Variants in DMC1 observed in about 807,000 individuals in gnomAD.
DMC1 encodes DNA meiotic recombinase 1, also known as meiotic recombination protein DMC1 homolog.
In DMC1, 27 loss-of-function variants were observed where a neutral mutation model predicts 50.1. The observed-to-expected ratio is 0.54, with a 90% confidence interval of 0.40 to 0.74. DMC1 has a LOEUF of 0.74. Ranked by LOEUF, DMC1 falls within the 30% of genes least tolerant of loss-of-function variation. The probability of loss-of-function intolerance (pLI) is 0.00; values close to 1 mark genes in which losing one functional copy is unlikely to be tolerated. For synonymous variants in DMC1, 148 were observed against 136.1 expected (o/e 1.09, Z -0.61); for missense variants, 295 against 420.2 (o/e 0.70, Z 2.60).
At chr22:38,532,025 G>A (rs979344510) in intron 12 of DMC1, among the ~76,000 whole-genome samples, 2 of 151,976 alleles carry the variant, frequency 1.3e-5, no homozygotes, top group African/African-American at 2.4e-5. Flanking sequence ...GTTCCCTCCC[G>A]ACACCTGAAG....
intron 12 of DMC1, among the ~76,000 whole-genome samples, chr22:38,526,621 G>GT (rs911893152): frequency 6.6e-6 from 1 of 152,016 alleles, no homozygotes; most frequent in African/African-American, 2.4e-5. Context: ...AAATTTTTGT[G>GT]TAAGTCTGGG....
intron 11 of DMC1, among the ~76,000 whole-genome samples, 199 bp downstream of exon 11, chr22:38,538,096 A>G (rs2090235623): frequency 6.6e-6 from 1 of 152,104 alleles, no homozygotes; most frequent in South Asian, 2.1e-4. Context: ...GTGAGCCGAG[A>G]TCGCACCACT....
At chr22:38,540,586 A>C (rs543458878) in intron 8 of DMC1, among the ~76,000 whole-genome samples, 5 of 152,194 alleles carry the variant, frequency 3.3e-5, no homozygotes, top group Non-Finnish European at 7.3e-5. Context: ...CACTGATCCC[A>C]GTATAAGTAA....
At chr22:38,527,123 T>G (rs2090100361) in intron 12 of DMC1, among the ~76,000 whole-genome samples, 1 of 152,046 alleles carries the variant, frequency 6.6e-6, no homozygotes. Context: ...AGCTATGGAG[T>G]TAGACCTGAG....
In DMC1 at chr22:38,538,438, T is replaced by C. The variant is rs929137334; in HGVS notation, c.661-29A>G. On this transcript the variant is annotated intron_variant, in intron 10 of 13. Transcript: ENST00000216024. ...CACAGGATTAATGTAAAAATAAACA[T>C]GCATTTGGAAATTGAAGGAAGACGT... The C allele has an allele frequency of 6.2e-6, 10 of 1,610,466 alleles. No individual in the cohort carries two copies. In the African/African-American group the frequency reaches 8.0e-5, roughly 13 times the overall value.
intron 8 of DMC1, among the ~76,000 whole-genome samples, chr22:38,543,597 G>C (rs935376584): frequency 6.6e-6 from 1 of 152,128 alleles, no homozygotes; most frequent in Admixed American, 6.6e-5. Context: ...AGTATGTTCA[G>C]CTCCCCTGTT....
intron 5 of DMC1, among the ~76,000 whole-genome samples, chr22:38,557,953 G>GTTTTTTTTTTTTTTTTTTT (rs1555940699): frequency 1.4e-4 from 13 of 94,964 alleles, no homozygotes; most frequent in South Asian, 3.3e-4. Flanking sequence ...ATTAGACAAA[G>GTTTTTTTTTTTTTTTTTTT]TTCTTTTTTT....
At position 38,568,656 on chromosome 22, in the gene DMC1, TTGTTTA is replaced by T. The variant is rs376437278; in HGVS notation, c.-33-373_-33-368del. 2.3e-3 allele frequency among the ~76,000 whole-genome samples: 348 copies of T among 152,362 alleles called. 1 individual carries two copies. The highest frequency in any genetic ancestry group is 6.1e-3 in the African/African-American group (254 of 41,590). On this transcript the variant is annotated intron_variant, in intron 1 of 13. Transcript: ENST00000216024. ...AATTGCATATTGCTTTTAACCTTTC[TTGTTTA>T]TGTTTAACAACAATACTCTAGGAAC...
rs753724944 is a variant in DMC1, at chr22:38,557,956, C to CTTTTTTTTTT, written c.327-2557_327-2548dup. On this transcript the variant is annotated intron_variant, in intron 5 of 13. Coordinates refer to ENST00000216024, the MANE Select transcript of DMC1 (RefSeq NM_007068.4). ...AATAATTAGATAATTAGACAAAGTT[C>CTTTTTTTTTT]TTTTTTTTTTTTTTTTTTTTTTTTG... Among the ~76,000 whole-genome samples, 168 of 62,700 alleles carry CTTTTTTTTTT rather than the reference C, an allele frequency of 2.7e-3. 17 individuals carry two copies. The highest frequency in any genetic ancestry group is 6.3e-3 in the African/African-American group (102 of 16,070). 41.1% of individuals were successfully genotyped at this position (62,700 alleles called of 152,430 possible). A position where few individuals can be genotyped will look rare whatever the true frequency, so the allele number is the denominator to read the frequency against.
At chr22:38,521,992 G>A (rs1292465308) in intron 12 of DMC1, among the ~76,000 whole-genome samples, 6 of 151,204 alleles carry the variant, frequency 4.0e-5, no homozygotes, top group East Asian at 2.0e-4. Flanking sequence ...TAGCTGTGTC[G>A]CCCAGGCTGG....
chr22:38,519,166 A>G lies in DMC1; in HGVS notation c.*854T>C, dbSNP rs2089997578. 1.3e-5 allele frequency: 2 copies of G among 151,880 alleles called. No individual in the cohort carries two copies. The highest frequency in any genetic ancestry group is 4.8e-5 in the African/African-American group (2 of 41,262). 9.4% of individuals were successfully genotyped at this position (151,880 alleles called of 1,614,324 possible). Reference sequence around the variant, plus strand: ...AATCTCTGCCTCCTGGGTTCAAGCAATTCTCCTGCCTCAGCCTCCAGAGTA... The same window carrying G: ...AATCTCTGCCTCCTGGGTTCAAGCAGTTCTCCTGCCTCAGCCTCCAGAGTA... On this transcript the variant is annotated 3_prime_UTR_variant, in exon 14 of 14. Coordinates refer to ENST00000216024, the MANE Select transcript of DMC1 (RefSeq NM_007068.4).
chr22:38,531,089 T>C (rs371962097), intron 12 of DMC1, among the ~76,000 whole-genome samples: 14 of 152,110 alleles, frequency 9.2e-5, no homozygotes, highest in African/African-American at 3.1e-4. Context: ...CCTTAGAGAA[T>C]AAACTGACTG....
chr22:38,511,409 G>C, the DMC1 span, among the ~76,000 whole-genome samples: 1 of 151,968 alleles, frequency 6.6e-6, no homozygotes, highest in Non-Finnish European at 1.5e-5. Context: ...TGAAATCTCA[G>C]CTCTACAAAT....
chr22:38,545,478 A>C (rs1267063276), intron 8 of DMC1, among the ~76,000 whole-genome samples: 1 of 152,040 alleles, frequency 6.6e-6, no homozygotes, highest in African/African-American at 2.4e-5. Context: ...GCCGGACTGC[A>C]GTGGCGCTAT....
rs779819403 is a variant in DMC1 at position 38,566,733 on chromosome 22, C to A, written c.100G>T (p.Val34Leu). The change falls in exon 4 of 14, where the codon GTG (valine) becomes TTG (leucine). Residue 34 changes from valine to leucine, a missense_variant. Coordinates refer to ENST00000216024, the MANE Select transcript of DMC1 (RefSeq NM_007068.4). ...IDLLQKHGIN[V>L]ADIKKLKSVG... ...GATTTCAGTTTCTTAATGTCAGCCA[C>A]GTTCTGTAAATTAAAGAATGGGCAC... The A allele has an allele frequency of 1.9e-6, 3 of 1,613,850 alleles. No homozygotes were observed. Among genetic ancestry groups the A allele is most frequent in the Non-Finnish European group, 2.5e-6 (3 of 1,179,846 alleles).
In DMC1 at chr22:38,552,667, A is replaced by G; in HGVS notation, c.420T>C (p.Cys140=). The G allele has an allele frequency of 1.3e-6, 2 of 1,587,416 alleles. No homozygotes were observed. Among genetic ancestry groups the G allele is most frequent in the Non-Finnish European group, 1.7e-6 (2 of 1,155,960 alleles). ...GTTATTGTTGTTATATATCCTTACC[A>G]CAGAGGGTATGAGAAAGCTGGGTTT... ...TGKTQLSHTL[C]VTAQLPGAGG... The change falls in exon 7 of 14, where the codon TGT becomes TGC. Residue 140 remains cysteine (C), a splice_region_variant and synonymous_variant. Transcript: ENST00000216024.
intron 12 of DMC1, among the ~76,000 whole-genome samples, chr22:38,536,308 C>T (rs1375039801): frequency 6.6e-6 from 1 of 151,914 alleles, no homozygotes; most frequent in Admixed American, 6.6e-5. Flanking sequence ...CTCTGTCTCC[C>T]AGGCTGGAGT....
At chr22:38,558,694 G>A (rs556296993) in intron 5 of DMC1, among the ~76,000 whole-genome samples, 26 of 151,894 alleles carry the variant, frequency 1.7e-4, no homozygotes, top group African/African-American at 5.8e-4. Flanking sequence ...CAGCCTGGGC[G>A]ACACAGCAAG....
intron 12 of DMC1, among the ~76,000 whole-genome samples, chr22:38,521,992 G>T (rs1292465308): frequency 6.6e-6 from 1 of 151,318 alleles, no homozygotes; most frequent in African/African-American, 2.4e-5. Flanking sequence ...TAGCTGTGTC[G>T]CCCAGGCTGG....
Sources: allele counts gnomAD v4.1 joint callset (sites outside exome capture counted in the v4.1 genomes callset), GRCh38; gene constraint gnomAD v4.1.1; transcripts MANE v1.5; gene names NCBI Gene and HGNC (gene_info 2026-07-23, HGNC 2026-07-21).